VPS53: variants seen among roughly 807,000 people sequenced by gnomAD.
The protein encoded by VPS53 is vacuolar protein sorting-associated protein 53 homolog.
In VPS53, 70 loss-of-function variants were observed where a neutral mutation model predicts 107.0. That is an observed-to-expected ratio of 0.65 (90% CI 0.54 to 0.80). The LOEUF (loss-of-function observed/expected upper bound fraction) is 0.80. VPS53 is among the 30% of genes least tolerant of loss of function. The pLI, the probability that VPS53 is intolerant of heterozygous loss-of-function variation, is 0.00. For missense variants in VPS53, 917 were observed against 1,049.4 expected (o/e 0.87, Z 1.74); for synonymous variants, 409 against 393.3 (o/e 1.04, Z -0.47).
intron 12 of VPS53, among the ~76,000 whole-genome samples, chr17:598,866 AG>A (rs1968150193): frequency 1.8e-5 from 1 of 54,222 alleles, no homozygotes; most frequent in Non-Finnish European, 3.8e-5. Context: ...TCCGGGAGGG[AG>A]GTGGGGGGGT....
chr17:631,085 A>G (rs1475107130), intron 8 of VPS53, among the ~76,000 whole-genome samples: 1 of 152,092 alleles, frequency 6.6e-6, no homozygotes, highest in African/African-American at 2.4e-5. Flanking sequence ...AAGGGCATGA[A>G]TTCCGAAGAG....
chr17:607,004 A>G (rs1424097788), intron 11 of VPS53, among the ~76,000 whole-genome samples: 2 of 152,202 alleles, frequency 1.3e-5, no homozygotes, highest in Admixed American at 1.3e-4. Flanking sequence ...CTAATGATGC[A>G]TTTCTCAGAA....
intron 11 of VPS53, among the ~76,000 whole-genome samples, chr17:609,042 A>G (rs1315038477): frequency 2.6e-5 from 4 of 152,168 alleles, no homozygotes; most frequent in African/African-American, 9.7e-5. Context: ...ATAAAACTCA[A>G]CATTTTAAAG....
At chr17:586,439 C>A in intron 12 of VPS53, 75 bp from the exon 13 acceptor site, 2 of 1,384,098 alleles carry the variant, frequency 1.4e-6, no homozygotes, top group Non-Finnish European at 2.0e-6. Flanking sequence ...TTAAAAACAT[C>A]ATTTCAAAGT....
At chr17:531,773 CTTTTTTTTTTT>C (rs71145747) in intron 19 of VPS53, among the ~76,000 whole-genome samples, 1 of 86,686 alleles carries the variant, frequency 1.2e-5, no homozygotes, top group Non-Finnish European at 2.1e-5. Context: ...GGGATTTATT[CTTTTTTTTTTT>C]TTTTTTTTTT....
intron 18 of VPS53, among the ~76,000 whole-genome samples, chr17:534,129 C>G (rs781677405): frequency 6.6e-6 from 1 of 152,198 alleles, no homozygotes; most frequent in African/African-American, 2.4e-5. Flanking sequence ...CGTGAGCCAC[C>G]GCGCCCAGCC....
At chr17:639,886 C>T (rs946954595) in intron 7 of VPS53, among the ~76,000 whole-genome samples, 2 of 152,236 alleles carry the variant, frequency 1.3e-5, no homozygotes, top group African/African-American at 4.8e-5. Context: ...ATTCTTAGAT[C>T]TCAAATTCTG....
chr17:558,420 T>C (rs1381253904), intron 15 of VPS53, among the ~76,000 whole-genome samples: 2 of 151,800 alleles, frequency 1.3e-5, no homozygotes, highest in Non-Finnish European at 2.9e-5. Flanking sequence ...GATCACAAGA[T>C]CAGGAGATCG....
intron 1 of VPS53, among the ~76,000 whole-genome samples, chr17:713,215 T>A (rs1973707412): frequency 6.6e-6 from 1 of 152,044 alleles, no homozygotes; most frequent in African/African-American, 2.4e-5. Context: ...AAAAAAAAGT[T>A]TCCCAGGGGT....
At chr17:598,521 C>G (rs1485639434) in intron 12 of VPS53, among the ~76,000 whole-genome samples, 1 of 150,670 alleles carries the variant, frequency 6.6e-6, no homozygotes, top group Non-Finnish European at 1.5e-5. Context: ...GTGAGGAGCA[C>G]CTCTTCCCGG....
intron 8 of VPS53, among the ~76,000 whole-genome samples, chr17:629,867 A>T (rs1969878755): frequency 6.6e-6 from 1 of 150,788 alleles, no homozygotes; most frequent in Non-Finnish European, 1.5e-5. Flanking sequence ...TGCCAGAGAA[A>T]AGGGAGGCAT....
At chr17:561,920 T>C (rs935057701) in intron 14 of VPS53, among the ~76,000 whole-genome samples, 13 of 152,168 alleles carry the variant, frequency 8.5e-5, no homozygotes, top group African/African-American at 3.1e-4. Context: ...AACATTAGGC[T>C]ATGTCCAGTT....
chr17:688,288 T>G (rs1227857079), intron 4 of VPS53, among the ~76,000 whole-genome samples: 1 of 152,034 alleles, frequency 6.6e-6, no homozygotes, highest in African/African-American at 2.4e-5. Context: ...GTAAGAGGCT[T>G]CCCCCTTCGC....
At chr17:691,523 C>A (rs1207199604) in intron 4 of VPS53, among the ~76,000 whole-genome samples, 3 of 152,240 alleles carry the variant, frequency 2.0e-5, no homozygotes, top group African/African-American at 7.2e-5. Flanking sequence ...AGCACCCCCT[C>A]CTTATCAGCA....
chr17:693,531 G>A lies in VPS53; in HGVS notation c.285+3887C>T, dbSNP rs562245139. The stretch of plus-strand genomic sequence containing the variant: ...CAGGCCAGGAGTTCAAGACCAGCCC[G>A]GGCAACACAGCAAGAACCCATCTCT... On this transcript the variant is annotated intron_variant, in intron 4 of 21. Coordinates refer to ENST00000437048, the MANE Select transcript of VPS53 (RefSeq NM_001128159.3). 5.9e-5 allele frequency among the ~76,000 whole-genome samples: 9 copies of A among 152,100 alleles called. No individual in the cohort carries two copies. In the South Asian group the frequency reaches 8.3e-4, roughly 14 times the overall value.
At chr17:713,148 G>A (rs989205891) in intron 1 of VPS53, among the ~76,000 whole-genome samples, 1 of 151,550 alleles carries the variant, frequency 6.6e-6, no homozygotes, top group Non-Finnish European at 1.5e-5. Context: ...GCTGCAGTGA[G>A]CTACGATTAT....
chr17:519,919 G>T lies in VPS53; in HGVS notation c.2235C>A (p.Ala745=), dbSNP rs891044619. ...RAEMILKVVM[A]PHEPLVVFVD... is the part of the protein sequence containing the mutation. ...CAAACACCACCAACGGTTCATGAGG[G>T]GCCATCACTACCTACAGCGGGAGGA... Residue 745 remains alanine (A), a synonymous_variant, in exon 21 of 22, where the codon GCC becomes GCA. Transcript: ENST00000437048. This position sits in a 1 kb window ranked among gnomAD's most constrained non-coding sequence, Gnocchi z 5.0. 3 of 1,551,202 alleles carry T rather than the reference G, an allele frequency of 1.9e-6. No homozygotes were observed. The African/African-American group carries it at 4.1e-5, about 21-fold the overall frequency.
At chr17:631,689 A>ACCCTGTGGATCGGTG in intron 7 of VPS53, 61 bp from the exon 8 acceptor site, 1 of 1,516,778 alleles carries the variant, frequency 6.6e-7, no homozygotes, top group Non-Finnish European at 9.1e-7. Context: ...CTACACACCG[A>ACCCTGTGGATCGGTG]TCCACAGGGT....
intron 12 of VPS53, among the ~76,000 whole-genome samples, chr17:599,772 A>T (rs1368987602): frequency 1.2e-4 from 14 of 117,082 alleles, no homozygotes; most frequent in African/African-American, 3.4e-4. Flanking sequence ...ATTAAAAAAA[A>T]AAACAAAAAC....
Sources: gnomAD v4.1 joint callset for allele counts (sites outside exome capture counted in the v4.1 genomes callset) on GRCh38, gnomAD v4.1.1 for gene constraint, Gnocchi (gnomAD v3.1) non-coding constraint, MANE v1.5 for transcripts, NCBI Gene and HGNC (gene_info 2026-07-23, HGNC 2026-07-21) for gene names.